The following EXOSC9 variants were observed in gnomAD, a reference collection of about 807,000 sequenced individuals.
EXOSC9 encodes the protein exosome complex component RRP45.
In EXOSC9, 38 loss-of-function variants were observed where a neutral mutation model predicts 56.5. That is an observed-to-expected ratio of 0.67 (90% CI 0.52 to 0.88). The LOEUF is 0.88. Among genes scored for constraint, EXOSC9 ranks in the 40% least tolerant of loss-of-function variants. The pLI, the probability that EXOSC9 is intolerant of heterozygous loss-of-function variation, is 0.00. For missense variants in EXOSC9, 559 were observed against 530.5 expected (o/e 1.05, Z -0.53); for synonymous variants, 170 against 170.8 (o/e 0.99, Z 0.04).
intron 6 of EXOSC9, 141 bp downstream of exon 6, chr4:121,807,763 G>T: frequency 1.6e-6 from 1 of 610,448 alleles, no homozygotes; most frequent in Non-Finnish European, 2.9e-6. Context: ...TCTTTGTAAG[G>T]GCATTAGTTG....
chr4:121,809,160 T>G (rs1218632458), intron 6 of EXOSC9, among the ~76,000 whole-genome samples: 1 of 151,430 alleles, frequency 6.6e-6, no homozygotes, highest in Admixed American at 6.6e-5. Context: ...TTTAAAAAAA[T>G]TTTTTTTGTA....
intron 4 of EXOSC9, among the ~76,000 whole-genome samples, chr4:121,803,357 A>G (rs1045000736): frequency 1.3e-5 from 2 of 152,082 alleles, no homozygotes; most frequent in African/African-American, 2.4e-5. Flanking sequence ...CATTTTCTAC[A>G]TGAGTTCATA....
intron 4 of EXOSC9, among the ~76,000 whole-genome samples, chr4:121,803,684 C>T (rs1726937371): frequency 6.6e-6 from 1 of 152,084 alleles, no homozygotes; most frequent in African/African-American, 2.4e-5. Flanking sequence ...GAACTACCGG[C>T]GCCTGCCACC....
intron 2 of EXOSC9, 146 bp downstream of exon 2, chr4:121,802,067 T>A (rs2149033580): frequency 1.6e-6 from 1 of 641,230 alleles, no homozygotes; most frequent in Non-Finnish European, 2.7e-6. Flanking sequence ...TATGCGAGAT[T>A]TTTTGCTTTT....
intron 11 of EXOSC9, 35 bp from the exon 12 acceptor site, chr4:121,816,737 A>G (rs1378025974): frequency 1.3e-6 from 2 of 1,542,266 alleles, no homozygotes; most frequent in Admixed American, 4.6e-5. Context: ...AACTTAACAT[A>G]CTCTTAGTAA....
At chr4:121,803,181 T>TCC (rs1726920763) in intron 4 of EXOSC9, among the ~76,000 whole-genome samples, 164 bp downstream of exon 4, 1 of 152,062 alleles carries the variant, frequency 6.6e-6, no homozygotes, top group Admixed American at 6.5e-5. Flanking sequence ...GTGCTACCTC[T>TCC]CTCTCTCTGA....
rs141379119 is a variant in EXOSC9, at chr4:121,816,269, G to C, written c.1157-100G>C. The C allele has an allele frequency of 3.3e-4, 236 of 721,914 alleles. 1 individual carries two copies. In the East Asian group the frequency reaches 6.9e-3, roughly 21 times the overall value. 44.7% of individuals were successfully genotyped at this position (721,914 alleles called of 1,614,324 possible). On this transcript the variant is annotated intron_variant, in intron 10 of 11. Transcript: ENST00000243498. ...CCACCACGCCCAGCCCCAGAAATAA[G>C]AGTTTAGAACGTCTGATAGAAATAA... is the stretch of plus-strand genomic sequence containing the variant.
intron 10 of EXOSC9, chr4:121,814,493 C>T (rs1166047857): frequency 1.3e-5 from 2 of 152,248 alleles, no homozygotes; most frequent in African/African-American, 4.8e-5. Context: ...TTCCTCCCTG[C>T]TGTCTTTTTT....
intron 2 of EXOSC9, among the ~76,000 whole-genome samples, chr4:121,802,271 A>G (rs1726890846): frequency 6.6e-6 from 1 of 152,200 alleles, no homozygotes; most frequent in Non-Finnish European, 1.5e-5. Context: ...TGACATGAAA[A>G]TTAGGTTTTC....
chr4:121,807,908 G>T, intron 6 of EXOSC9: 1 of 424,994 alleles, frequency 2.4e-6, no homozygotes, highest in Non-Finnish European at 4.2e-6. Context: ...GTTTCCTAAG[G>T]CTGTACAGTG....
rs753352071 is a variant in EXOSC9 at position 121,802,717 on chromosome 4, A to G, written c.205A>G (p.Asn69Asp). The G allele has an allele frequency of 6.2e-7, 1 of 1,614,028 alleles. No homozygotes were observed. Among genetic ancestry groups the G allele is most frequent in the African/African-American group, 1.3e-5 (1 of 74,918 alleles). ...CTGTGAACTTGTGTCTCCAAAACTC[A>G]ATCGGGCAACAGAAGGTATTCTTTT... ...VSCELVSPKL[N>D]RATEGILFFN... Residue 69 changes from asparagine to aspartate, a missense_variant, in exon 3 of 12, where the codon AAT (asparagine) becomes GAT (aspartate). Coordinates refer to ENST00000243498, the MANE Select transcript of EXOSC9 (RefSeq NM_005033.3).
intron 7 of EXOSC9, among the ~76,000 whole-genome samples, chr4:121,811,225 A>G (rs1325381125): frequency 6.6e-6 from 1 of 152,220 alleles, no homozygotes; most frequent in Non-Finnish European, 1.5e-5. Context: ...TGTGCAATAA[A>G]TGTTAGTTTC....
chr4:121,803,095 T>G, intron 4 of EXOSC9, 78 bp downstream of exon 4: 2 of 1,044,650 alleles, frequency 1.9e-6, no homozygotes, highest in Non-Finnish European at 2.9e-6. Context: ...CCTTTTATTC[T>G]CAGAACTTTA....
Position 121,807,611 on chromosome 4 carries a change from T to A in EXOSC9, c.594T>A (p.Phe198Leu). ...TGCCCATTTGTGTCAGTTTTGCCTT[T>A]TTCCAGCAAGGGTAAGCCTCGCCTT... ...HHMPICVSFA[F>L]FQQGTYLLVD... The change falls in exon 6 of 12, where the codon TTT (phenylalanine) becomes TTA (leucine). Residue 198 changes from phenylalanine to leucine, a missense_variant. Physicochemically the swap from Phe to Leu is conservative, Grantham distance 22. Transcript: ENST00000243498. 6.2e-7 allele frequency: 1 copy of A among 1,611,570 alleles called. No individual in the cohort carries two copies. The highest frequency in any genetic ancestry group is 2.2e-5 in the East Asian group (1 of 44,856).
intron 8 of EXOSC9, among the ~76,000 whole-genome samples, chr4:121,811,892 G>GC (rs1727223686): frequency 6.6e-6 from 1 of 152,126 alleles, no homozygotes; most frequent in African/African-American, 2.4e-5. Context: ...AACAGATATT[G>GC]CTACTCATCT....
At chr4:121,811,696 TG>T in intron 8 of EXOSC9, 25 bp downstream of exon 8, 1 of 1,168,686 alleles carries the variant, frequency 8.6e-7, no homozygotes, top group Non-Finnish European at 1.2e-6. Context: ...CAGAACTAAG[TG>T]GTCTTTTATT....
Position 121,804,619 on chromosome 4 carries a change from C to T in EXOSC9, c.385-3C>T, listed in dbSNP as rs1296336592. On this transcript the variant is annotated splice_region_variant and splice_polypyrimidine_tract_variant and intron_variant, in intron 4 of 11. Coordinates refer to ENST00000243498, the MANE Select transcript of EXOSC9 (RefSeq NM_005033.3). ...TTTATTTTTATTTTAAATTCACTAT[C>T]AGGTTTGGCAAATACGTGTAGACCT... is the stretch of plus-strand genomic sequence containing the variant. 1.3e-6 allele frequency: 2 copies of T among 1,547,056 alleles called. No individual in the cohort carries two copies. Among genetic ancestry groups the T allele is most frequent in the East Asian group, 4.6e-5 (2 of 43,898 alleles).
At chr4:121,815,923 G>A (rs1297461654) in intron 10 of EXOSC9, 5 of 1,217,392 alleles carry the variant, frequency 4.1e-6, no homozygotes, top group South Asian at 4.0e-5. Context: ...GAGTTCTAGA[G>A]TGCTCTAAGA....
rs547209491 is a variant in EXOSC9 at position 121,801,411 on chromosome 4, G to A, written c.-14G>A. ...CGCGGATTCTGGTGCCTGTGGGGCC[G>A]GTGACCCAACACCATGAAGGAAACG... On this transcript the variant is annotated 5_prime_UTR_variant, in exon 1 of 12. Transcript: ENST00000243498. The A allele has an allele frequency of 4.9e-5, 79 of 1,612,920 alleles. No individual in the cohort carries two copies. The South Asian group carries it at 6.5e-4, about 13-fold the overall frequency.
Sources: allele counts gnomAD v4.1 joint callset (sites outside exome capture counted in the v4.1 genomes callset), GRCh38; gene constraint gnomAD v4.1.1; transcripts MANE v1.5; gene names NCBI Gene and HGNC (gene_info 2026-07-23, HGNC 2026-07-21).